The following AKAP13 variants were observed in gnomAD, a reference collection of about 807,000 sequenced individuals.
AKAP13 encodes the protein A-kinase anchoring protein 13, also known as A-kinase anchor protein 13.
A neutral mutation model predicts 264.5 loss-of-function variants in AKAP13; 80 were observed. The ratio of observed to expected loss-of-function variants is 0.30; its 90% CI spans 0.25 to 0.36. The LOEUF (loss-of-function observed/expected upper bound fraction) is 0.36, where lower values mean the gene tolerates loss of function less well. Among genes scored for constraint, AKAP13 ranks in the 10% least tolerant of loss-of-function variants. AKAP13 has a pLI of 1.00. For synonymous variants in AKAP13, 1,380 were observed against 1,250.2 expected (o/e 1.10, Z -2.19); for missense variants, 3,712 against 3,435.2 (o/e 1.08, Z -2.01).
At chr15:85,451,041 G>T (rs1462861027) in intron 1 of AKAP13, among the ~76,000 whole-genome samples, 3 of 152,124 alleles carry the variant, frequency 2.0e-5, no homozygotes, top group Non-Finnish European at 4.4e-5. Context: ...GTGCTCCTCT[G>T]TTGGGTGCAT....
At chr15:85,720,108 C>T (rs539531413) in intron 23 of AKAP13, among the ~76,000 whole-genome samples, 1 of 152,130 alleles carries the variant, frequency 6.6e-6, no homozygotes, top group Admixed American at 6.5e-5. Flanking sequence ...GTAGTGCACA[C>T]TTGTGGTCCC....
chr15:85,433,948 A>T (rs911406093), intron 1 of AKAP13, among the ~76,000 whole-genome samples: 1 of 23,992 alleles, frequency 4.2e-5, no homozygotes, highest in Non-Finnish European at 8.1e-5. Flanking sequence ...CTCAAAAAAT[A>T]AAAAAATAAA....
At chr15:85,386,257 C>T (rs776580380) in intron 1 of AKAP13, among the ~76,000 whole-genome samples, 1 of 151,918 alleles carries the variant, frequency 6.6e-6, no homozygotes, top group Non-Finnish European at 1.5e-5. Flanking sequence ...CTTTGCCTAA[C>T]TTAAGAGCTC....
intron 8 of AKAP13, among the ~76,000 whole-genome samples, chr15:85,587,831 A>G (rs535537683): frequency 4.6e-5 from 7 of 152,152 alleles, no homozygotes; most frequent in Non-Finnish European, 7.4e-5. Context: ...TGTTTTTAGT[A>G]GAGATGGGGT....
intron 2 of AKAP13, among the ~76,000 whole-genome samples, chr15:85,494,465 C>T (rs1280772631): frequency 6.6e-6 from 1 of 152,088 alleles, no homozygotes; most frequent in Non-Finnish European, 1.5e-5. Context: ...TGGATGAATC[C>T]CATACTTGAT....
chr15:85,743,405 C>A lies in AKAP13; in HGVS notation c.8059-87C>A, dbSNP rs1486298739. ...GTGGGTAAGTACCCAGCCAGCACAC[C>A]CAGTTGAATTCAGCCAGGATTTATT... is the stretch of plus-strand genomic sequence containing the variant. On this transcript the variant is annotated intron_variant, in intron 35 of 36. Coordinates refer to ENST00000394518, the MANE Select transcript of AKAP13 (RefSeq NM_007200.5). The A allele has an allele frequency of 2.1e-6, 3 of 1,419,404 alleles. No individual in the cohort carries two copies. In the East Asian group the frequency reaches 6.9e-5, roughly 33 times the overall value. The allele number at this position is 1,419,404 out of a possible 1,614,324, so 87.9% of individuals were successfully genotyped here. A position where few individuals can be genotyped will look rare whatever the true frequency, so the allele number is the denominator to read the frequency against.
chr15:85,581,142 C>T lies in AKAP13; in HGVS notation c.3074C>T (p.Ala1025Val), dbSNP rs773545950. The T allele has an allele frequency of 6.2e-7, 1 of 1,614,032 alleles. No homozygotes were observed. The highest frequency in any genetic ancestry group is 1.1e-5 in the South Asian group (1 of 91,076). ...QSLVPPGASL[A>V]TESRQEALGA... ...CTGGTGCCACCAGGAGCAAGTCTGG[C>T]CACAGAGTCAAGGCAGGAAGCCTTG... Residue 1025 changes from alanine to valine, a missense_variant, in exon 7 of 37, where the codon GCC becomes GTC. Physicochemically the swap from Ala to Val is moderately conservative, Grantham distance 64. Around this residue, in one of 3 missense-constraint regions of AKAP13, gnomAD observed 2,759 missense variants for 2,411.7 expected, o/e 1.14. Transcript: ENST00000394518.
chr15:85,731,899 A>G (rs965941720), intron 30 of AKAP13, among the ~76,000 whole-genome samples: 3 of 152,112 alleles, frequency 2.0e-5, no homozygotes, highest in African/African-American at 7.2e-5. Context: ...CGTGGCCCAC[A>G]TGGTGCAACC....
chr15:85,707,155 C>T (rs1430783732), intron 17 of AKAP13, among the ~76,000 whole-genome samples: 2 of 152,152 alleles, frequency 1.3e-5, no homozygotes, highest in Admixed American at 1.3e-4. Flanking sequence ...TCCCCACAGG[C>T]CGATCTTTCA....
chr15:85,517,943 G>T (rs541085111), intron 2 of AKAP13, among the ~76,000 whole-genome samples: 7 of 152,296 alleles, frequency 4.6e-5, no homozygotes, highest in African/African-American at 1.7e-4. Flanking sequence ...TATTGGAAGA[G>T]GGTGGTGATG....
chr15:85,562,136 G>A (rs758335099), intron 5 of AKAP13, among the ~76,000 whole-genome samples: 3 of 152,118 alleles, frequency 2.0e-5, no homozygotes, highest in African/African-American at 4.8e-5. Context: ...ATGAGATGAT[G>A]TGTACCAAAT....
At position 85,630,381 on chromosome 15, in the gene AKAP13, T is replaced by C. The variant is rs985622612; in HGVS notation, c.4162-8993T>C. On this transcript the variant is annotated intron_variant, in intron 8 of 36. Transcript: ENST00000394518. ...CACGAAAATACTCTATGCAATGTGG[T>C]GTTCCATTCACTGTCATTCCCATCT... 7.2e-5 allele frequency among the ~76,000 whole-genome samples: 11 copies of C among 152,152 alleles called. 1 individual carries two copies. Among genetic ancestry groups the C allele is most frequent in the African/African-American group, 2.7e-4 (11 of 41,428 alleles).
chr15:85,476,662 A>G (rs28615985), intron 1 of AKAP13, among the ~76,000 whole-genome samples: 5,156 of 152,240 alleles, frequency 0.034, 285 homozygotes, highest in African/African-American at 0.11. Context: ...TTACAACTCA[A>G]TTCTAGGTCT....
rs145539661 is a variant in AKAP13, at chr15:85,574,189, C to T, written c.663-942C>T. ...TGAATGTAGAAGAGGGTGCTTAACA[C>T]TTGAAATGCGTGCTCAAGTACAATA... On this transcript the variant is annotated intron_variant, in intron 5 of 36. Transcript: ENST00000394518. 2.7e-3 allele frequency among the ~76,000 whole-genome samples: 415 copies of T among 152,320 alleles called. 3 individuals are homozygous for T. The highest frequency in any genetic ancestry group is 9.7e-3 in the African/African-American group (402 of 41,554).
At chr15:85,541,850 G>A (rs2077589925) in intron 4 of AKAP13, among the ~76,000 whole-genome samples, 1 of 152,220 alleles carries the variant, frequency 6.6e-6, no homozygotes, top group Non-Finnish European at 1.5e-5. Flanking sequence ...TGTGGTACCA[G>A]TTGCTAAGAC....
intron 7 of AKAP13, chr15:85,582,752 C>T (rs1381281032): frequency 5.2e-6 from 2 of 382,752 alleles, no homozygotes; most frequent in African/African-American, 2.2e-5. Context: ...GTTCCATTGC[C>T]TGTTGCTTTT....
At position 85,485,717 on chromosome 15, in the gene AKAP13, G is replaced by C. The variant is rs1411712495; in HGVS notation, c.-4G>C. The C allele has an allele frequency of 1.6e-5, 25 of 1,612,844 alleles. No individual in the cohort carries two copies. The highest frequency in any genetic ancestry group is 2.1e-5 in the Non-Finnish European group (25 of 1,179,238). On this transcript the variant is annotated 5_prime_UTR_variant, in exon 2 of 37. Coordinates refer to ENST00000394518, the MANE Select transcript of AKAP13 (RefSeq NM_007200.5). The stretch of plus-strand genomic sequence containing the variant: ...ATTCCATTTCTGTTTCAGTGTCCTG[G>C]GTCATGAAACTTAATCCACAGCAAG...
At chr15:85,627,199 T>A (rs757174481) in intron 8 of AKAP13, among the ~76,000 whole-genome samples, 1 of 152,182 alleles carries the variant, frequency 6.6e-6, no homozygotes, top group Non-Finnish European at 1.5e-5. Flanking sequence ...CGCCAGCCTT[T>A]CTCTCAAGCT....
intron 8 of AKAP13, among the ~76,000 whole-genome samples, chr15:85,625,618 T>C (rs545837657): frequency 8.5e-5 from 13 of 152,160 alleles, no homozygotes; most frequent in African/African-American, 3.1e-4. Context: ...CCCCAGCACT[T>C]TGGGAGATTG....
Sources: allele counts gnomAD v4.1 joint callset (sites outside exome capture counted in the v4.1 genomes callset), GRCh38; gene constraint gnomAD v4.1.1; regional missense constraint gnomAD v4.1.1; transcripts MANE v1.5; gene names NCBI Gene and HGNC (gene_info 2026-07-23, HGNC 2026-07-21).